The following F3 variants were observed in gnomAD, a reference collection of about 807,000 sequenced individuals.
F3 encodes coagulation factor III, tissue factor, also known as tissue factor.
A neutral mutation model predicts 33.5 loss-of-function variants in F3; 18 were observed. The observed-to-expected ratio is 0.54, with a 90% CI of 0.37 to 0.80. F3 has a LOEUF of 0.80. Among genes scored for constraint, F3 ranks in the 30% least tolerant of loss-of-function variants. The pLI is 0.00. For missense variants in F3, 353 were observed against 362.1 expected (o/e 0.97, Z 0.20); for synonymous variants, 147 against 140.7 (o/e 1.05, Z -0.32).
At chr1:94,541,291 C>A (rs570937286) in intron 1 of F3, among the ~76,000 whole-genome samples, 1 of 152,340 alleles carries the variant, frequency 6.6e-6, no homozygotes, top group South Asian at 2.1e-4. Context: ...TCGGACACCC[C>A]GAGCAAAACT....
At chr1:94,536,621 T>C (rs1651617369) in intron 2 of F3, among the ~76,000 whole-genome samples, 1 of 152,218 alleles carries the variant, frequency 6.6e-6, no homozygotes, top group Non-Finnish European at 1.5e-5. Context: ...TTTTGTTAAA[T>C]ATCTTTCTTT....
At chr1:94,532,291 C>T (rs1487465122) in intron 5 of F3, 30 bp downstream of exon 5, 1 of 1,611,294 alleles carries the variant, frequency 6.2e-7, no homozygotes, top group Non-Finnish European at 8.5e-7. Context: ...CACCCATACC[C>T]CCAGGCAAAT....
At chr1:94,531,471 T>C (rs1227500892) in intron 5 of F3, among the ~76,000 whole-genome samples, 1 of 151,974 alleles carries the variant, frequency 6.6e-6, no homozygotes, top group Non-Finnish European at 1.5e-5. Context: ...CCAGCTACTT[T>C]TTGTATTTTG....
chr1:94,533,129 A>T lies in F3; in HGVS notation c.552T>A (p.Ile184=), dbSNP rs769962310. Residue 184 remains isoleucine (I), a synonymous_variant, in exon 4 of 6, where the codon ATT becomes ATA. Transcript: ENST00000334047. Reference sequence around the variant, plus strand: ...AAGATTTCCAATAATAAAGTGTATAAATTAAGTCCTTGCCAAAAACATCCC... The same window carrying T: ...AAGATTTCCAATAATAAAGTGTATATATTAAGTCCTTGCCAAAAACATCCC... The part of the protein sequence containing the change: ...SLRDVFGKDL[I]YTLYYWKSSS... The T allele has an allele frequency of 6.2e-7, 1 of 1,613,694 alleles. No homozygotes were observed. The highest frequency in any genetic ancestry group is 1.7e-5 in the Admixed American group (1 of 59,926).
Position 94,533,207 on chromosome 1 carries a change from G to A in F3, c.474C>T (p.Thr158=), listed in dbSNP as rs201743958. ...TGACTAAAGTCCGTTCATCTTCTAC[G>A]GTCACATTCACTTTTGTTCCCACCT... ...FEQVGTKVNV[T]VEDERTLVRR... The change falls in exon 4 of 6, where the codon ACC becomes ACT. Residue 158 remains threonine (T), a synonymous_variant. Transcript: ENST00000334047. The A allele has an allele frequency of 3.2e-5, 51 of 1,613,564 alleles. No homozygotes were observed. Among genetic ancestry groups the A allele is most frequent in the Admixed American group, 1.0e-4 (6 of 59,926 alleles).
At chr1:94,541,205 C>T (rs1033116847) in intron 1 of F3, 5 of 292,812 alleles carry the variant, frequency 1.7e-5, no homozygotes, top group Non-Finnish European at 2.5e-5. Flanking sequence ...TTGAAGGTCG[C>T]AACTCACTGG....
Position 94,540,339 on chromosome 1 carries a change from A to C in F3, c.130T>G (p.Leu44Val). 1 of 1,613,964 alleles carries C rather than the reference A, an allele frequency of 6.2e-7. No homozygotes were observed. The highest frequency in any genetic ancestry group is 1.3e-5 in the African/African-American group (1 of 75,042). The change falls in exon 2 of 6, where the codon TTA becomes GTA. Residue 44 changes from leucine (L) to valine (V), a missense_variant. Physicochemically the swap from Leu to Val is conservative, Grantham distance 32 (BLOSUM62 1). Transcript: ENST00000334047. ...GTTNTVAAYN[L>V]TWKSTNFKTI... ...TTGAAATTAGTTGATTTCCAAGTTA[A>C]ATTATATGCTGCCACAGTATTTGTA...
intron 5 of F3, among the ~76,000 whole-genome samples, chr1:94,531,359 T>G (rs1038343193): frequency 6.7e-6 from 1 of 150,236 alleles, no homozygotes; most frequent in Non-Finnish European, 1.5e-5. Context: ...TGGAGTACAG[T>G]GGTCCAATCT....
intron 5 of F3, 135 bp from the exon 6 acceptor site, chr1:94,530,731 A>T: frequency 9.9e-7 from 1 of 1,009,058 alleles, no homozygotes; most frequent in Non-Finnish European, 1.4e-6. Flanking sequence ...TTTCCACCAC[A>T]CTTACATTAG....
intron 3 of F3, among the ~76,000 whole-genome samples, chr1:94,534,219 T>C (rs1368752225): frequency 6.6e-6 from 1 of 152,230 alleles, no homozygotes; most frequent in Non-Finnish European, 1.5e-5. Context: ...GCTTACTTTA[T>C]TGTAAGAATA....
At chr1:94,534,164 G>A (rs573356313) in intron 3 of F3, among the ~76,000 whole-genome samples, 1 of 152,242 alleles carries the variant, frequency 6.6e-6, no homozygotes, top group African/African-American at 2.4e-5. Context: ...ACCATGCCCA[G>A]CCTCTTTTCC....
rs753257402 is a variant in F3 at position 94,533,173 on chromosome 1, T to TGAA, written c.507_508insTTC (p.Asn169_Asn170insPhe). On this transcript the variant is annotated inframe_insertion, in exon 4 of 6. Transcript: ENST00000334047. Reference sequence around the variant, plus strand: ...ACATCCCGGAGGCTTAGGAAAGTGTTGTTCCTTCTGACTAAAGTCCGTTCA... The same window carrying TGAA: ...ACATCCCGGAGGCTTAGGAAAGTGTTGAAGTTCCTTCTGACTAAAGTCCGTTCA... 1 of 1,614,080 alleles carries TGAA rather than the reference T, an allele frequency of 6.2e-7. No homozygotes were observed. Among genetic ancestry groups the TGAA allele is most frequent in the African/African-American group, 1.3e-5 (1 of 75,056 alleles).
In F3 at chr1:94,536,058, C is replaced by G. The variant is rs1651595777; in HGVS notation, c.319G>C (p.Val107Leu). 1.9e-6 allele frequency: 3 copies of G among 1,614,138 alleles called. No individual in the cohort carries two copies. The highest frequency in any genetic ancestry group is 2.5e-6 in the Non-Finnish European group (3 of 1,180,018). ...ACATTCCCTGCCGGGTAGGAGAAGA[C>G]CCGTGCCAAGTACGTCTGCTTCACA... ...KDVKQTYLAR[V>L]FSYPAGNVES... Residue 107 changes from valine to leucine, a missense_variant, in exon 3 of 6, where the codon GTC becomes CTC. Transcript: ENST00000334047.
intron 2 of F3, among the ~76,000 whole-genome samples, chr1:94,539,962 C>T (rs1289115497): frequency 2.6e-5 from 4 of 152,220 alleles, no homozygotes; most frequent in African/African-American, 9.7e-5. Context: ...ACCCAAAGCA[C>T]ACTTCAGTGC....
Position 94,533,012 on chromosome 1 carries a change from T to C in F3, c.591+78A>G, listed in dbSNP as rs568782189. On this transcript the variant is annotated intron_variant, in intron 4 of 5. Transcript: ENST00000334047. Reference sequence around the variant, plus strand: ...ACAACTCTGTTCTGCTATTTTTGAATTGGGGAAGAAATGGGTTGTAAAACC... The same window carrying C: ...ACAACTCTGTTCTGCTATTTTTGAACTGGGGAAGAAATGGGTTGTAAAACC... 159 of 1,410,280 alleles carry C rather than the reference T, an allele frequency of 1.1e-4. 1 individual carries two copies. The South Asian group carries it at 1.7e-3, about 15-fold the overall frequency. 87.4% of individuals were successfully genotyped at this position (1,410,280 alleles called of 1,614,324 possible).
intron 3 of F3, among the ~76,000 whole-genome samples, chr1:94,533,741 A>C (rs1274019146): frequency 6.6e-6 from 1 of 152,104 alleles, no homozygotes; most frequent in Admixed American, 6.5e-5. Flanking sequence ...CTCAACATGA[A>C]GATGACGAGG....
Position 94,541,687 on chromosome 1 carries a change from T to G in F3, c.-51A>C. On this transcript the variant is annotated 5_prime_UTR_variant, in exon 1 of 6. Coordinates refer to ENST00000334047, the MANE Select transcript of F3 (RefSeq NM_001993.5). ...GCGGGTTCCGTGGCGCCCGTGGGGC[T>G]GGGGAGGTTGGGCTGAAGGCGCCCT... is the stretch of plus-strand genomic sequence containing the variant. The G allele has an allele frequency of 1.6e-6, 2 of 1,252,762 alleles. No individual in the cohort carries two copies. The highest frequency in any genetic ancestry group is 4.3e-5 in the South Asian group (2 of 46,814). The allele number at this position is 1,252,762 out of a possible 1,614,324, so 77.6% of individuals were successfully genotyped here. A position where few individuals can be genotyped will look rare whatever the true frequency, so the allele number is the denominator to read the frequency against.
chr1:94,530,413 G>C lies in F3; in HGVS notation c.*47C>G, dbSNP rs375080109. 1 of 1,606,196 alleles carries C rather than the reference G, an allele frequency of 6.2e-7. No homozygotes were observed. Among genetic ancestry groups the C allele is most frequent in the Non-Finnish European group, 8.5e-7 (1 of 1,175,554 alleles). On this transcript the variant is annotated 3_prime_UTR_variant, in exon 6 of 6. Coordinates refer to ENST00000334047, the MANE Select transcript of F3 (RefSeq NM_001993.5). ...GTATTCTATCCTCTTAAAAGTTCTC[G>C]GTCACAGTGCAATATAGCATTTGCA...
chr1:94,540,211 T>C (rs1557703220), intron 2 of F3, 46 bp downstream of exon 2: 2 of 1,192,176 alleles, frequency 1.7e-6, no homozygotes, highest in East Asian at 2.3e-5. Context: ...CATAGGACAG[T>C]AGAAACATCA....
Sources: gnomAD v4.1 joint callset for allele counts (sites outside exome capture counted in the v4.1 genomes callset) on GRCh38, gnomAD v4.1.1 for gene constraint, MANE v1.5 for transcripts, NCBI Gene and HGNC (gene_info 2026-07-23, HGNC 2026-07-21) for gene names.